Variants in ADGRB3 observed in about 807,000 individuals in gnomAD.
ADGRB3 encodes the protein brain-specific angiogenesis inhibitor 3.
ADGRB3 carries 37 observed loss-of-function variants against 193.4 expected under a neutral mutation model. The observed-to-expected ratio is 0.19, with a 90% CI of 0.15 to 0.25. ADGRB3 has a LOEUF of 0.25. ADGRB3 is among the 10% of genes least tolerant of loss of function. The pLI, the probability that ADGRB3 is intolerant of heterozygous loss-of-function variation, is 1.00. For missense variants in ADGRB3, 1,637 were observed against 1,852.9 expected (o/e 0.88, Z 2.14); for synonymous variants, 690 against 644.2 (o/e 1.07, Z -1.08).
intron 17 of ADGRB3, among the ~76,000 whole-genome samples, chr6:69,204,269 T>A (rs1036134523): frequency 6.6e-6 from 1 of 152,268 alleles, no homozygotes; most frequent in South Asian, 2.1e-4. Flanking sequence ...GACATTATAT[T>A]TTTTTATTGA....
chr6:68,936,028 A>G (rs1219438230), intron 4 of ADGRB3, among the ~76,000 whole-genome samples: 2 of 152,206 alleles, frequency 1.3e-5, no homozygotes, highest in African/African-American at 2.4e-5. Context: ...TCAATACAAT[A>G]TAAATTAGAT....
At chr6:69,108,402 C>T (rs769642536) in intron 17 of ADGRB3, among the ~76,000 whole-genome samples, 70 of 90,380 alleles carry the variant, frequency 7.7e-4, no homozygotes, top group Non-Finnish European at 6.8e-4. Context: ...TTTTTTTTTT[C>T]CAAATCTCAT....
chr6:69,038,835 A>G (rs1770949176), intron 13 of ADGRB3, among the ~76,000 whole-genome samples: 1 of 152,236 alleles, frequency 6.6e-6, no homozygotes, highest in South Asian at 2.1e-4. Context: ...TTCAAGGTTC[A>G]GTAGTTCCTT....
intron 17 of ADGRB3, among the ~76,000 whole-genome samples, chr6:69,222,508 G>T (rs149305269): frequency 2.0e-5 from 3 of 152,044 alleles, no homozygotes; most frequent in Non-Finnish European, 4.4e-5. Flanking sequence ...ATCACATCTG[G>T]AATTTAAAAG....
chr6:68,790,151 C>T (rs1409441029), intron 3 of ADGRB3, among the ~76,000 whole-genome samples: 2 of 152,180 alleles, frequency 1.3e-5, no homozygotes, highest in African/African-American at 4.8e-5. Context: ...CTTCTCTCAA[C>T]TTGTCAAAGT....
chr6:69,043,684 T>G (rs1227297968), intron 13 of ADGRB3, among the ~76,000 whole-genome samples: 1 of 152,204 alleles, frequency 6.6e-6, no homozygotes, highest in Non-Finnish European at 1.5e-5. Flanking sequence ...CAGCTCTTGA[T>G]AGTAACATTT....
In ADGRB3 at chr6:69,202,975, C is replaced by T. The variant is rs576381217; in HGVS notation, c.2481-30315C>T. Among the ~76,000 whole-genome samples, 53 of 152,128 alleles carry T rather than the reference C, an allele frequency of 3.5e-4. 2 individuals carry two copies. The South Asian group carries it at 7.1e-3, about 20-fold the overall frequency. ...TAGCCAAGTAATAAATTAGTCTCCC[C>T]AGCTGCTAGTTCATAATCATAACAG... On this transcript the variant is annotated intron_variant, in intron 17 of 31. Transcript: ENST00000370598.
intron 10 of ADGRB3, among the ~76,000 whole-genome samples, chr6:68,991,744 G>A (rs1286238265): frequency 6.6e-6 from 1 of 152,114 alleles, no homozygotes; most frequent in Non-Finnish European, 1.5e-5. Flanking sequence ...AGATGCTTTC[G>A]TGTATGCTCT....
intron 13 of ADGRB3, among the ~76,000 whole-genome samples, chr6:69,036,470 A>G (rs1356016433): frequency 6.6e-6 from 1 of 152,146 alleles, no homozygotes; most frequent in Admixed American, 6.5e-5. Flanking sequence ...CAGTTATTGC[A>G]CCAAACTCAC....
intron 11 of ADGRB3, 72 bp from the exon 12 acceptor site, chr6:69,013,966 C>A: frequency 9.7e-7 from 1 of 1,030,214 alleles, no homozygotes; most frequent in Admixed American, 2.4e-5. Flanking sequence ...ACGTAGTCAA[C>A]CCAAATGGGT....
At chr6:68,782,743 A>C (rs1176234640) in intron 3 of ADGRB3, among the ~76,000 whole-genome samples, 2 of 151,832 alleles carry the variant, frequency 1.3e-5, no homozygotes, top group Non-Finnish European at 2.9e-5. Context: ...GCATTTTTTC[A>C]TGTGTTTTTT....
At chr6:68,807,539 C>T (rs909581746) in intron 3 of ADGRB3, among the ~76,000 whole-genome samples, 3 of 151,870 alleles carry the variant, frequency 2.0e-5, no homozygotes, top group African/African-American at 7.3e-5. Flanking sequence ...CGCGCCTGGC[C>T]GGATGTTAAT....
Position 69,289,137 on chromosome 6 carries a change from G to T in ADGRB3, c.2815-35735G>T, listed in dbSNP as rs185075999. On this transcript the variant is annotated intron_variant, in intron 20 of 31. Coordinates refer to ENST00000370598, the MANE Select transcript of ADGRB3 (RefSeq NM_001704.3). ...AGAGCGTCCAGTTTTCTACCCAAAA[G>T]AATAGAAGTAATGGTAGAAATTTTA... Among the ~76,000 whole-genome samples the T allele has an allele frequency of 2.0e-4, 30 of 152,242 alleles. No homozygotes were observed. In the East Asian group the frequency reaches 4.6e-3, roughly 24 times the overall value.
chr6:69,378,098 T>C (rs975759409), intron 30 of ADGRB3, among the ~76,000 whole-genome samples: 6 of 152,218 alleles, frequency 3.9e-5, no homozygotes, highest in African/African-American at 1.4e-4. Flanking sequence ...CCAGATGCTG[T>C]GTGCTAGGTG....
intron 3 of ADGRB3, among the ~76,000 whole-genome samples, chr6:68,752,711 T>TGG (rs1214191439): frequency 6.6e-6 from 1 of 152,134 alleles, no homozygotes; most frequent in Non-Finnish European, 1.5e-5. Flanking sequence ...GCTGAGCTGT[T>TGG]GGGGTTAAGT....
chr6:68,763,979 A>AGGAGG (rs1245264489), intron 3 of ADGRB3, among the ~76,000 whole-genome samples: 4 of 152,160 alleles, frequency 2.6e-5, no homozygotes, highest in African/African-American at 7.2e-5. Context: ...AGGCTGAGAC[A>AGGAGG]GGAGGATCAC....
intron 3 of ADGRB3, among the ~76,000 whole-genome samples, chr6:68,664,245 A>G (rs193300974): frequency 3.6e-4 from 55 of 151,846 alleles, no homozygotes; most frequent in Admixed American, 1.1e-3. Context: ...TTTTAGTAGT[A>G]TGAAAATGTT....
chr6:68,859,109 T>G (rs1765074800), intron 3 of ADGRB3, among the ~76,000 whole-genome samples: 1 of 152,196 alleles, frequency 6.6e-6, no homozygotes, highest in Non-Finnish European at 1.5e-5. Context: ...ATATACTAAA[T>G]TATCTTTCTC....
intron 17 of ADGRB3, among the ~76,000 whole-genome samples, chr6:69,096,402 T>A (rs1478519497): frequency 6.7e-6 from 1 of 148,784 alleles, no homozygotes; most frequent in Admixed American, 6.7e-5. Flanking sequence ...AAATGCATCA[T>A]CTTCTATATG....
Sources: allele counts gnomAD v4.1 joint callset (sites outside exome capture counted in the v4.1 genomes callset), GRCh38; gene constraint gnomAD v4.1.1; transcripts MANE v1.5; gene names NCBI Gene and HGNC (gene_info 2026-07-23, HGNC 2026-07-21).